The following OXR1 variants were observed in gnomAD, a reference collection of about 807,000 sequenced individuals.
OXR1 encodes oxidation resistance 1, also known as oxidation resistance protein 1.
A neutral mutation model predicts 104.6 loss-of-function variants in OXR1; 41 were observed. The observed-to-expected ratio is 0.39, with a 90% CI of 0.31 to 0.51. The LOEUF is 0.51. Among genes scored for constraint, OXR1 ranks in the 20% least tolerant of loss-of-function variants. The pLI, the probability that OXR1 is intolerant of heterozygous loss-of-function variation, is 0.77. For missense variants in OXR1, 955 were observed against 1,031.9 expected (o/e 0.93, Z 1.02); for synonymous variants, 348 against 348.4 (o/e 1.00, Z 0.01).
chr8:106,303,052 C>A lies in OXR1; in HGVS notation c.-139+32685C>A, dbSNP rs571532241. Among the ~76,000 whole-genome samples, 183 of 151,592 alleles carry A rather than the reference C, an allele frequency of 1.2e-3. 5 individuals carry two copies. In the South Asian group the frequency reaches 0.037, roughly 31 times the overall value. ...ACAGGCGTGAGCCAGCGCACCTGGCCGCAAACCTGTTTTTTTTTTTTAAAT... is the reference window on the plus strand; with the variant it reads ...ACAGGCGTGAGCCAGCGCACCTGGCAGCAAACCTGTTTTTTTTTTTTAAAT... On this transcript the variant is annotated intron_variant, in intron 1 of 16. Coordinates refer to ENST00000517566, the MANE Select transcript of OXR1 (RefSeq NM_001198533.2).
intron 3 of OXR1, among the ~76,000 whole-genome samples, chr8:106,590,691 C>G: frequency 6.6e-6 from 1 of 152,368 alleles, no homozygotes; most frequent in East Asian, 1.9e-4. Context: ...AGGTCTCCAT[C>G]TATTTGTACC....
intron 1 of OXR1, among the ~76,000 whole-genome samples, chr8:106,316,684 T>C (rs1374774261): frequency 1.7e-5 from 2 of 116,310 alleles, no homozygotes; most frequent in Non-Finnish European, 3.4e-5. Flanking sequence ...TGTTTTTCTC[T>C]CTTTTTTTCT....
At chr8:106,452,655 C>T (rs1385586166) in intron 2 of OXR1, among the ~76,000 whole-genome samples, 2 of 152,056 alleles carry the variant, frequency 1.3e-5, no homozygotes, top group Non-Finnish European at 2.9e-5. Context: ...ATTTACTGTT[C>T]CTGGAATTGT....
Position 106,551,041 on chromosome 8 carries a change from T to C in OXR1, c.220+31902T>C, listed in dbSNP as rs527462595. Among the ~76,000 whole-genome samples the C allele has an allele frequency of 5.3e-5, 8 of 152,322 alleles. No homozygotes were observed. In the East Asian group the frequency reaches 1.5e-3, roughly 29 times the overall value. Reference sequence around the variant, plus strand: ...ATGCTACCTGTCCTCTGAAACGTACTCCCAGTCCCAAATAAATCTTTCCTT... The same window carrying C: ...ATGCTACCTGTCCTCTGAAACGTACCCCCAGTCCCAAATAAATCTTTCCTT... On this transcript the variant is annotated intron_variant, in intron 3 of 16. Coordinates refer to ENST00000517566, the MANE Select transcript of OXR1 (RefSeq NM_001198533.2).
intron 1 of OXR1, among the ~76,000 whole-genome samples, chr8:106,347,479 A>C (rs1253044024): frequency 6.6e-6 from 1 of 152,194 alleles, no homozygotes; most frequent in African/African-American, 2.4e-5. Flanking sequence ...TAACAGAGGA[A>C]ATATCAATAA....
intron 2 of OXR1, among the ~76,000 whole-genome samples, chr8:106,443,822 C>T (rs1480932426): frequency 6.6e-6 from 1 of 152,052 alleles, no homozygotes; most frequent in Non-Finnish European, 1.5e-5. Context: ...GCAATTGCAA[C>T]AAAAGCCAAA....
At chr8:106,413,998 G>C (rs1818568168) in intron 2 of OXR1, among the ~76,000 whole-genome samples, 1 of 152,088 alleles carries the variant, frequency 6.6e-6, no homozygotes, top group Non-Finnish European at 1.5e-5. Flanking sequence ...AAAGTGCTGG[G>C]ATTACAGACG....
chr8:106,750,313 T>C (rs1036080923), intron 16 of OXR1, among the ~76,000 whole-genome samples: 2 of 139,236 alleles, frequency 1.4e-5, no homozygotes, highest in African/African-American at 2.6e-5. Flanking sequence ...TTTTTTCTTT[T>C]CTTTTCTTTT....
intron 1 of OXR1, among the ~76,000 whole-genome samples, chr8:106,336,268 T>C (rs1175396447): frequency 2.0e-5 from 3 of 152,278 alleles, no homozygotes; most frequent in Non-Finnish European, 2.9e-5. Context: ...GAGTAGCCAT[T>C]GTCTGGCACC....
At chr8:106,638,600 T>C (rs1823352023) in intron 3 of OXR1, among the ~76,000 whole-genome samples, 1 of 152,114 alleles carries the variant, frequency 6.6e-6, no homozygotes. Flanking sequence ...CACCCAGGGA[T>C]GTCAAAAAGC....
intron 2 of OXR1, among the ~76,000 whole-genome samples, chr8:106,418,625 T>G (rs1818778404): frequency 6.6e-6 from 1 of 152,142 alleles, no homozygotes; most frequent in Admixed American, 6.6e-5. Flanking sequence ...GCAGCAGCCA[T>G]TAAAAATCAT....
At chr8:106,572,164 A>C (rs1817517996) in intron 3 of OXR1, among the ~76,000 whole-genome samples, 1 of 152,196 alleles carries the variant, frequency 6.6e-6, no homozygotes, top group Non-Finnish European at 1.5e-5. Context: ...TTCTTGAAGA[A>C]TAGTGCATTT....
intron 3 of OXR1, among the ~76,000 whole-genome samples, chr8:106,647,167 G>A (rs565114929): frequency 2.6e-4 from 39 of 152,294 alleles, no homozygotes; most frequent in Middle Eastern, 3.4e-3. Context: ...TTTTTCTGAT[G>A]AGTGAAGGAG....
chr8:106,504,775 G>A (rs1280642402), intron 2 of OXR1, among the ~76,000 whole-genome samples: 5 of 152,088 alleles, frequency 3.3e-5, no homozygotes, highest in Admixed American at 3.3e-4. Flanking sequence ...GCTTTAAATA[G>A]TTATGTCATA....
chr8:106,376,226 A>G (rs998342907), intron 2 of OXR1, among the ~76,000 whole-genome samples: 1 of 152,208 alleles, frequency 6.6e-6, no homozygotes, highest in African/African-American at 2.4e-5. Context: ...CAAGAAAATA[A>G]AACAACCCTG....
intron 3 of OXR1, among the ~76,000 whole-genome samples, chr8:106,613,069 G>C (rs915685994): frequency 6.6e-6 from 1 of 152,004 alleles, no homozygotes; most frequent in Non-Finnish European, 1.5e-5. Flanking sequence ...TATAACAGGA[G>C]GGAAGAACAG....
At chr8:106,358,834 C>G (rs1347380113) in intron 1 of OXR1, among the ~76,000 whole-genome samples, 1 of 151,318 alleles carries the variant, frequency 6.6e-6, no homozygotes, top group Non-Finnish European at 1.5e-5. Flanking sequence ...ATTTAATTCA[C>G]TAAATAATTT....
chr8:106,432,748 G>A (rs1339909471), intron 2 of OXR1, among the ~76,000 whole-genome samples: 2 of 151,808 alleles, frequency 1.3e-5, no homozygotes, highest in Non-Finnish European at 2.9e-5. Flanking sequence ...CTATTCCCTC[G>A]TTAGATTATA....
intron 3 of OXR1, among the ~76,000 whole-genome samples, chr8:106,635,198 AT>A (rs1426982874): frequency 1.3e-5 from 2 of 152,192 alleles, no homozygotes; most frequent in Non-Finnish European, 2.9e-5. Flanking sequence ...ATATGAATGA[AT>A]GTCCAAATCT....
Sources: allele counts gnomAD v4.1 joint callset (sites outside exome capture counted in the v4.1 genomes callset), GRCh38; gene constraint gnomAD v4.1.1; transcripts MANE v1.5; gene names NCBI Gene and HGNC (gene_info 2026-07-23, HGNC 2026-07-21).